STK33: variants seen among roughly 807,000 people sequenced by gnomAD.
STK33 encodes serine/threonine kinase 33.
A neutral mutation model predicts 58.0 loss-of-function variants in STK33; 52 were observed. That is an observed-to-expected ratio of 0.90 (90% CI 0.72 to 1.13). The LOEUF (loss-of-function observed/expected upper bound fraction) is 1.13, where lower values mean the gene tolerates loss of function less well. Among genes scored for constraint, STK33 ranks in the 50% most tolerant of loss-of-function variants. The probability of loss-of-function intolerance (pLI) is 0.00; values close to 1 mark genes in which losing one functional copy is unlikely to be tolerated. For synonymous variants in STK33, 215 were observed against 200.1 expected (o/e 1.07, Z -0.63); for missense variants, 630 against 604.2 (o/e 1.04, Z -0.45).
At chr11:8,393,243 C>T (rs899287053) in intron 15 of STK33, among the ~76,000 whole-genome samples, 1 of 152,176 alleles carries the variant, frequency 6.6e-6, no homozygotes, top group Non-Finnish European at 1.5e-5. Context: ...TATTCCTTGC[C>T]CTTAAGTGGA....
chr11:8,350,126 G>A, the STK33 span, among the ~76,000 whole-genome samples: 3 of 152,356 alleles, frequency 2.0e-5, no homozygotes, highest in Admixed American at 1.3e-4. Flanking sequence ...GGAAACTGAA[G>A]TTTAGAACAG....
chr11:8,520,324 G>A (rs1953287018), intron 1 of STK33, among the ~76,000 whole-genome samples: 1 of 152,116 alleles, frequency 6.6e-6, no homozygotes, highest in Non-Finnish European at 1.5e-5. Flanking sequence ...CAATAAACTA[G>A]GTATTGATGG....
chr11:8,543,399 T>TAAATACTCTTTAGA (rs1955673210), intron 1 of STK33, among the ~76,000 whole-genome samples: 1 of 152,228 alleles, frequency 6.6e-6, no homozygotes, highest in South Asian at 2.1e-4. Context: ...AAGTAAAATT[T>TAAATACTCTTTAGA]AAATACTCTT....
intron 1 of STK33, among the ~76,000 whole-genome samples, chr11:8,574,875 C>CA (rs1958069487): frequency 1.4e-5 from 2 of 148,112 alleles, no homozygotes; most frequent in African/African-American, 2.5e-5. Flanking sequence ...CCCATCTCTA[C>CA]AAAAAAAGGA....
At chr11:8,473,336 A>C in intron 5 of STK33, 60 bp from the exon 6 acceptor site, 1 of 989,884 alleles carries the variant, frequency 1.0e-6, no homozygotes, top group Non-Finnish European at 1.6e-6. Context: ...CTTTGTTGAC[A>C]AAGAATCCTA....
chr11:8,439,208 C>A (rs1292180305), intron 12 of STK33, among the ~76,000 whole-genome samples: 5 of 152,114 alleles, frequency 3.3e-5, no homozygotes, highest in Admixed American at 3.3e-4. Context: ...ACATATTGAG[C>A]ACTGAATGTA....
At chr11:8,469,520 G>A (rs1203893359) in intron 6 of STK33, among the ~76,000 whole-genome samples, 1 of 152,074 alleles carries the variant, frequency 6.6e-6, no homozygotes, top group African/African-American at 2.4e-5. Context: ...ATGAGGGTGG[G>A]AATCAACATT....
At chr11:8,482,720 T>TA (rs1949907855) in intron 1 of STK33, among the ~76,000 whole-genome samples, 1 of 151,802 alleles carries the variant, frequency 6.6e-6, no homozygotes, top group African/African-American at 2.4e-5. Context: ...TATTTTTATT[T>TA]TTTATTTATT....
chr11:8,486,728 G>C (rs760729466), intron 1 of STK33, among the ~76,000 whole-genome samples: 3 of 152,170 alleles, frequency 2.0e-5, no homozygotes, highest in Non-Finnish European at 2.9e-5. Context: ...AGAATGTATA[G>C]AAGGCAGGAC....
intron 1 of STK33, among the ~76,000 whole-genome samples, chr11:8,521,019 TTATTA>T (rs1267958819): frequency 2.7e-5 from 4 of 149,710 alleles, no homozygotes; most frequent in African/African-American, 9.7e-5. Context: ...AATTTATAAT[TTATTA>T]TATTTATTTA....
rs539657184 is a variant in STK33, at chr11:8,570,907, G to A, written c.-466+23176C>T. Among the ~76,000 whole-genome samples the A allele has an allele frequency of 3.3e-5, 5 of 152,278 alleles. No individual in the cohort carries two copies. In the East Asian group the frequency reaches 9.6e-4, roughly 29 times the overall value. ...GCTGTTACACACACACACAGACACA[G>A]AGGACAGTTCTGCTTCTGATCAAGA... On this transcript the variant is annotated intron_variant, in intron 1 of 15. Coordinates refer to ENST00000687296, the MANE Select transcript of STK33 (RefSeq NM_001352389.2).
intron 1 of STK33, among the ~76,000 whole-genome samples, chr11:8,497,887 C>T (rs1278215154): frequency 6.6e-6 from 1 of 152,104 alleles, no homozygotes; most frequent in Admixed American, 6.6e-5. Context: ...ATACCAAAAC[C>T]AGTCAAAGAC....
intron 1 of STK33, chr11:8,565,739 C>T (rs1293205141): frequency 6.6e-6 from 1 of 152,220 alleles, no homozygotes; most frequent in Non-Finnish European, 1.5e-5. Flanking sequence ...TCTCTGCTGC[C>T]TCTGAAGACT....
intron 1 of STK33, among the ~76,000 whole-genome samples, chr11:8,502,640 T>G (rs1951603296): frequency 6.6e-6 from 1 of 152,042 alleles, no homozygotes; most frequent in Admixed American, 6.6e-5. Flanking sequence ...TGGGACCTAA[T>G]TAGACTAAAG....
intron 11 of STK33, among the ~76,000 whole-genome samples, chr11:8,449,590 C>G (rs1946004358): frequency 7.1e-6 from 1 of 141,646 alleles, no homozygotes; most frequent in African/African-American, 2.7e-5. Flanking sequence ...GATGAGAACA[C>G]ATGGACACAG....
At chr11:8,514,157 C>T (rs911306984) in intron 1 of STK33, among the ~76,000 whole-genome samples, 1 of 152,196 alleles carries the variant, frequency 6.6e-6, no homozygotes, top group Admixed American at 6.5e-5. Flanking sequence ...TCTCATTCTT[C>T]TATATGGCTG....
chr11:8,388,292 A>G (rs191255718), downstream of STK33, among the ~76,000 whole-genome samples: 2 of 152,338 alleles, frequency 1.3e-5, no homozygotes, highest in East Asian at 1.9e-4. Context: ...TCAGGGAAAT[A>G]TGGAGAACTG....
intron 7 of STK33, among the ~76,000 whole-genome samples, chr11:8,464,361 A>C (rs1342596473): frequency 2.6e-5 from 4 of 152,202 alleles, no homozygotes; most frequent in Non-Finnish European, 5.9e-5. Flanking sequence ...ATCAGGAGAG[A>C]GTATCTGCAC....
chr11:8,562,864 C>A (rs1957207760), intron 1 of STK33, among the ~76,000 whole-genome samples: 1 of 152,128 alleles, frequency 6.6e-6, no homozygotes, highest in African/African-American at 2.4e-5. Context: ...ATAGTTCCTA[C>A]CCTCTTGGAG....
Sources: gnomAD v4.1 joint callset for allele counts (sites outside exome capture counted in the v4.1 genomes callset) on GRCh38, gnomAD v4.1.1 for gene constraint, MANE v1.5 for transcripts, NCBI Gene and HGNC (gene_info 2026-07-23, HGNC 2026-07-21) for gene names.